Variants in KIF20B observed in about 807,000 individuals in gnomAD.
The protein encoded by KIF20B is kinesin-like protein KIF20B.
A neutral mutation model predicts 232.5 loss-of-function variants in KIF20B; 188 were observed. The ratio of observed to expected loss-of-function variants is 0.81; its 90% CI spans 0.72 to 0.91. The LOEUF is 0.91. KIF20B is among the 40% of genes least tolerant of loss of function. The probability of loss-of-function intolerance (pLI) is 0.00; values close to 1 mark genes in which losing one functional copy is unlikely to be tolerated. For synonymous variants in KIF20B, 712 were observed against 683.0 expected (o/e 1.04, Z -0.66); for missense variants, 2,154 against 2,055.9 (o/e 1.05, Z -0.92).
chr10:89,705,301 T>C lies in KIF20B; in HGVS notation c.7T>C (p.Ser3Pro). ...TTGCTGTTATTCTTGCAGAATGGAA[T>C]CTAATTTTAATCAAGAGGGAGTACC... is the stretch of plus-strand genomic sequence containing the variant. MESNFNQEGVPRP... is the reference protein window; with the variant it reads MEPNFNQEGVPRP... Residue 3 changes from serine to proline, a missense_variant, in exon 2 of 33, where the codon TCT becomes CCT. Physicochemically the swap from Ser to Pro is moderately conservative, Grantham distance 74. Transcript: ENST00000371728. 3 of 1,613,818 alleles carry C rather than the reference T, an allele frequency of 1.9e-6. No individual in the cohort carries two copies. The highest frequency in any genetic ancestry group is 2.5e-6 in the Non-Finnish European group (3 of 1,179,870).
chr10:89,746,079 A>G, intron 23 of KIF20B, 120 bp downstream of exon 23: 1 of 705,922 alleles, frequency 1.4e-6, no homozygotes, highest in Admixed American at 2.3e-5. Context: ...TAGGGGGAGC[A>G]TGCAGACGGG....
At position 89,737,483 on chromosome 10, in the gene KIF20B, A is replaced by G. The variant is rs766200114; in HGVS notation, c.2642A>G (p.Gln881Arg). 1.9e-6 allele frequency: 3 copies of G among 1,609,424 alleles called. No individual in the cohort carries two copies. The highest frequency in any genetic ancestry group is 2.2e-5 in the East Asian group (1 of 44,800). ...GAAATTGAAGACATCAGAGTTTTAC[A>G]AGAAAATAATGAAGGACTGAGAGCA... ...IAEIEDIRVL[Q>R]ENNEGLRAFL... is the part of the protein sequence containing the mutation. Residue 881 changes from glutamine (Q) to arginine (R), a missense_variant, in exon 20 of 33, where the codon CAA becomes CGA. Gln to Arg is a conservative substitution (Grantham distance 43). Transcript: ENST00000371728.
chr10:89,718,742 A>G lies in KIF20B; in HGVS notation c.1304A>G (p.Lys435Arg). Residue 435 changes from lysine (K) to arginine (R), a missense_variant, in exon 12 of 33, where the codon AAA becomes AGA. Coordinates refer to ENST00000371728, the MANE Select transcript of KIF20B (RefSeq NM_001284259.2). ...CAGCATGTGCCTTTCCGGGAAAGTA[A>G]ACTGACTCACTATTTTCAAAGTTTT... Reference protein sequence around the residue: ...FQQHVPFRESKLTHYFQSFFN... With the variant: ...FQQHVPFRESRLTHYFQSFFN... The G allele has an allele frequency of 6.2e-7, 1 of 1,610,102 alleles. No individual in the cohort carries two copies. Among genetic ancestry groups the G allele is most frequent in the Non-Finnish European group, 8.5e-7 (1 of 1,179,112 alleles).
intron 31 of KIF20B, among the ~76,000 whole-genome samples, chr10:89,769,597 G>A (rs561905933): frequency 1.3e-5 from 2 of 151,910 alleles, no homozygotes; most frequent in African/African-American, 4.8e-5. Context: ...ATTGAGTTTA[G>A]CTGCAGAAAC....
At chr10:89,733,142 AC>A (rs978759232) in intron 19 of KIF20B, 86 bp downstream of exon 19, 10 of 1,369,398 alleles carry the variant, frequency 7.3e-6, no homozygotes, top group Non-Finnish European at 1.0e-5. Context: ...AGGGGCATTC[AC>A]TTGTCTAAGG....
At chr10:89,769,279 G>A (rs1406621378) in intron 31 of KIF20B, among the ~76,000 whole-genome samples, 2 of 151,968 alleles carry the variant, frequency 1.3e-5, no homozygotes, top group Non-Finnish European at 2.9e-5. Context: ...GTCCAAGGGT[G>A]AGAATACAGT....
At chr10:89,714,012 GTTT>G in intron 6 of KIF20B, 32 bp from the exon 7 acceptor site, 1 of 1,090,412 alleles carries the variant, frequency 9.2e-7, no homozygotes, top group Non-Finnish European at 1.3e-6. Context: ...TAATGAAAAT[GTTT>G]TTTTAATTTT....
chr10:89,704,771 C>T (rs1193963589), intron 1 of KIF20B, among the ~76,000 whole-genome samples: 1 of 152,150 alleles, frequency 6.6e-6, no homozygotes, highest in Non-Finnish European at 1.5e-5. Flanking sequence ...CTTGGCCAGG[C>T]TGGTCTTGAA....
chr10:89,720,017 A>C (rs951558032), intron 13 of KIF20B, among the ~76,000 whole-genome samples: 1 of 152,168 alleles, frequency 6.6e-6, no homozygotes, highest in Non-Finnish European at 1.5e-5. Flanking sequence ...TTCTAAGAAC[A>C]TGGGCATTTT....
intron 26 of KIF20B, among the ~76,000 whole-genome samples, chr10:89,757,410 T>C (rs1024148721): frequency 4.6e-5 from 7 of 151,984 alleles, no homozygotes; most frequent in Admixed American, 6.6e-5. Flanking sequence ...TGCAAGTACC[T>C]TCTTTCTATC....
rs752160562 is a variant in KIF20B at position 89,738,432 on chromosome 10, A to G, written c.3591A>G (p.Leu1197=). The change falls in exon 20 of 33, where the codon CTA becomes CTG. Residue 1197 remains leucine (L), a synonymous_variant. Coordinates refer to ENST00000371728, the MANE Select transcript of KIF20B (RefSeq NM_001284259.2). ...AAAAGGAATCTATCATCTTAAAGCTAGAAAGAAATTTGAAGGAATTTCAAG... is the reference window on the plus strand; with the variant it reads ...AAAAGGAATCTATCATCTTAAAGCTGGAAAGAAATTTGAAGGAATTTCAAG... ...ILEKESIILK[L]ERNLKEFQEH... The G allele has an allele frequency of 3.7e-6, 6 of 1,603,256 alleles. No individual in the cohort carries two copies. The highest frequency in any genetic ancestry group is 8.5e-7 in the Non-Finnish European group (1 of 1,177,312).
intron 2 of KIF20B, 95 bp downstream of exon 2, chr10:89,705,536 A>C: frequency 9.5e-7 from 1 of 1,050,704 alleles, no homozygotes; most frequent in South Asian, 1.7e-5. Flanking sequence ...CTGTTTTTGT[A>C]CTTAGATACA....
At chr10:89,702,069 A>C (rs1346728007) in intron 1 of KIF20B, among the ~76,000 whole-genome samples, 8 of 152,120 alleles carry the variant, frequency 5.3e-5, no homozygotes, top group Non-Finnish European at 1.2e-4. Context: ...GTAGGTACTA[A>C]ATGTTTGCAG....
Position 89,760,591 on chromosome 10 carries a change from T to C in KIF20B, c.4746T>C (p.Thr1582=), listed in dbSNP as rs758000035. ...ISSADPDKLQ[T]EPLSTSFEIS... ...CAGCAGATCCTGACAAACTTCAAACTGAACCTCTATCGACAAGTTTTGAAA... is the reference window on the plus strand; with the variant it reads ...CAGCAGATCCTGACAAACTTCAAACCGAACCTCTATCGACAAGTTTTGAAA... Residue 1582 remains threonine (T), a synonymous_variant, in exon 28 of 33, where the codon ACT becomes ACC. Transcript: ENST00000371728. 1.9e-6 allele frequency: 3 copies of C among 1,612,854 alleles called. No individual in the cohort carries two copies. The highest frequency in any genetic ancestry group is 2.5e-6 in the Non-Finnish European group (3 of 1,179,054).
chr10:89,771,569 C>T (rs1280730822), intron 31 of KIF20B, among the ~76,000 whole-genome samples: 2 of 152,068 alleles, frequency 1.3e-5, no homozygotes, highest in Admixed American at 6.6e-5. Flanking sequence ...CATGCTCTTA[C>T]TCATATTTGC....
In KIF20B at chr10:89,774,348, C is replaced by A; in HGVS notation, c.*300C>A. ...TTTTGCTATACAGGATGTAATAGGT[C>A]AGGTATTTGGTTTACTTATATTTAA... On this transcript the variant is annotated 3_prime_UTR_variant, in exon 33 of 33. Coordinates refer to ENST00000371728, the MANE Select transcript of KIF20B (RefSeq NM_001284259.2). 1 of 189,780 alleles carries A rather than the reference C, an allele frequency of 5.3e-6. No individual in the cohort carries two copies. Among genetic ancestry groups the A allele is most frequent in the Non-Finnish European group, 1.1e-5 (1 of 93,392 alleles). 11.8% of individuals were successfully genotyped at this position (189,780 alleles called of 1,614,324 possible).
At chr10:89,704,433 T>G (rs1314107371) in intron 1 of KIF20B, among the ~76,000 whole-genome samples, 1 of 152,236 alleles carries the variant, frequency 6.6e-6, no homozygotes, top group Non-Finnish European at 1.5e-5. Flanking sequence ...AGTTTACTGA[T>G]GCATTATTCC....
At chr10:89,709,660 T>A (rs1194877588) in intron 4 of KIF20B, among the ~76,000 whole-genome samples, 199 bp downstream of exon 4, 1 of 151,150 alleles carries the variant, frequency 6.6e-6, no homozygotes, top group Non-Finnish European at 1.5e-5. Context: ...AAGTTATTAT[T>A]ACTATATTTT....
At position 89,737,392 on chromosome 10, in the gene KIF20B, A is replaced by G. The variant is rs764311635; in HGVS notation, c.2551A>G (p.Ile851Val). ...QDEPPAKKGS[I>V]HVSSAITEDQ... is the part of the protein sequence containing the mutation. ...CAATTTTCTTATTTTTAAAGGGTCT[A>G]TCCATGTTAGTTCAGCTATCACTGA... The change falls in exon 20 of 33, where the codon ATC becomes GTC. Residue 851 changes from isoleucine to valine, a missense_variant. Physicochemically the swap from Ile to Val is conservative, Grantham distance 29. Coordinates refer to ENST00000371728, the MANE Select transcript of KIF20B (RefSeq NM_001284259.2). 1 of 1,568,190 alleles carries G rather than the reference A, an allele frequency of 6.4e-7. No homozygotes were observed. Among genetic ancestry groups the G allele is most frequent in the South Asian group, 1.2e-5 (1 of 81,636 alleles).
Sources: allele counts gnomAD v4.1 joint callset (sites outside exome capture counted in the v4.1 genomes callset), GRCh38; gene constraint gnomAD v4.1.1; transcripts MANE v1.5; gene names NCBI Gene and HGNC (gene_info 2026-07-23, HGNC 2026-07-21).